Variants in ZNF385B observed in about 807,000 individuals in gnomAD.
The protein encoded by ZNF385B is zinc finger protein 533.
Under a neutral mutation model 39.2 loss-of-function variants are expected in ZNF385B, and 23 were observed. The ratio of observed to expected loss-of-function variants is 0.59; its 90% confidence interval spans 0.42 to 0.83. The LOEUF is 0.83. Among genes scored for constraint, ZNF385B ranks in the 40% least tolerant of loss-of-function variants. The pLI is 0.00. For missense variants in ZNF385B, 552 were observed against 598.9 expected (o/e 0.92, Z 0.82); for synonymous variants, 205 against 222.6 (o/e 0.92, Z 0.70).
At chr2:179,746,179 A>G in intron 3 of ZNF385B, 1 of 277,806 alleles carries the variant, frequency 3.6e-6, no homozygotes, top group Non-Finnish European at 5.5e-6. Flanking sequence ...GTCTCCACAG[A>G]TTTAGCACCA....
intron 5 of ZNF385B, among the ~76,000 whole-genome samples, chr2:179,493,747 G>GTATA (rs1559337682): frequency 2.0e-5 from 2 of 98,166 alleles, no homozygotes; most frequent in East Asian, 2.6e-4. Flanking sequence ...GTATACATAT[G>GTATA]TGTATATACA....
chr2:179,717,016 C>T lies in ZNF385B; in HGVS notation c.298+52487G>A, dbSNP rs1315357563. 3.9e-5 allele frequency among the ~76,000 whole-genome samples: 6 copies of T among 152,256 alleles called. 1 individual carries two copies. The highest frequency in any genetic ancestry group is 3.3e-4 in the Admixed American group (5 of 15,294). On this transcript the variant is annotated intron_variant, in intron 3 of 9. Coordinates refer to ENST00000410066, the MANE Select transcript of ZNF385B (RefSeq NM_152520.6). ...TTCTTGAATTACCAACCCACAGATA[C>T]TCTGAGATATAATTAAATGACTGCT...
At chr2:179,706,179 T>C (rs1699583482) in intron 3 of ZNF385B, among the ~76,000 whole-genome samples, 1 of 152,222 alleles carries the variant, frequency 6.6e-6, no homozygotes, top group Non-Finnish European at 1.5e-5. Context: ...ATTCAGTCTG[T>C]ACAAGGGATC....
At chr2:179,537,758 C>CAAAA (rs775747223) in intron 4 of ZNF385B, among the ~76,000 whole-genome samples, 5 of 99,754 alleles carry the variant, frequency 5.0e-5, no homozygotes, top group African/African-American at 8.8e-5. Context: ...AACAAACAAA[C>CAAAA]AAACAAACAA....
intron 3 of ZNF385B, among the ~76,000 whole-genome samples, chr2:179,651,263 C>T (rs148935241): frequency 6.4e-4 from 97 of 151,876 alleles, no homozygotes; most frequent in African/African-American, 2.2e-3. Context: ...TATTTTGAAA[C>T]AAAATGTTCA....
At chr2:179,570,257 G>C (rs1427120508) in intron 3 of ZNF385B, among the ~76,000 whole-genome samples, 1 of 152,170 alleles carries the variant, frequency 6.6e-6, no homozygotes, top group South Asian at 2.1e-4. Flanking sequence ...GAACATGGGA[G>C]GGGGAAAGGA....
At chr2:179,791,195 T>A (rs571184138) in intron 1 of ZNF385B, among the ~76,000 whole-genome samples, 1 of 152,340 alleles carries the variant, frequency 6.6e-6, no homozygotes, top group Admixed American at 6.5e-5. Flanking sequence ...TTTTCCTTTT[T>A]TGTTGACTCC....
At chr2:179,534,738 C>T (rs1189258686) in intron 4 of ZNF385B, 1 of 152,072 alleles carries the variant, frequency 6.6e-6, no homozygotes. Context: ...GTTTCTGCTT[C>T]CCCGGACAGC....
At chr2:179,458,192 G>C (rs937592455) in intron 6 of ZNF385B, among the ~76,000 whole-genome samples, 4 of 152,156 alleles carry the variant, frequency 2.6e-5, no homozygotes, top group Non-Finnish European at 5.9e-5. Context: ...TGTGTTGTGG[G>C]AGGGACCTAG....
chr2:179,750,472 T>C (rs1401876152), intron 3 of ZNF385B, among the ~76,000 whole-genome samples: 1 of 152,168 alleles, frequency 6.6e-6, no homozygotes, highest in Non-Finnish European at 1.5e-5. Flanking sequence ...TTCTACTATA[T>C]GTATCATCAC....
intron 1 of ZNF385B, among the ~76,000 whole-genome samples, chr2:179,850,305 C>G (rs1045129156): frequency 6.6e-6 from 1 of 152,164 alleles, no homozygotes. Context: ...CCACTCAATG[C>G]AGGAATTCCT....
intron 5 of ZNF385B, among the ~76,000 whole-genome samples, chr2:179,501,859 C>T (rs1265283053): frequency 4.6e-5 from 7 of 152,154 alleles, no homozygotes; most frequent in Admixed American, 3.3e-4. Context: ...TAAACTTATA[C>T]ACCTACTATA....
intron 1 of ZNF385B, chr2:179,814,729 C>T (rs1394992512): frequency 4.8e-6 from 1 of 208,532 alleles, no homozygotes; most frequent in African/African-American, 2.4e-5. Context: ...ATGTAGAAAC[C>T]TTTTAAACTA....
At chr2:179,596,275 G>C (rs1271991181) in intron 3 of ZNF385B, among the ~76,000 whole-genome samples, 1 of 152,116 alleles carries the variant, frequency 6.6e-6, no homozygotes, top group African/African-American at 2.4e-5. Flanking sequence ...TACTGGTTCT[G>C]CTTGCTGAGT....
intron 3 of ZNF385B, among the ~76,000 whole-genome samples, chr2:179,756,772 G>T (rs1006475442): frequency 1.3e-5 from 2 of 152,188 alleles, no homozygotes; most frequent in East Asian, 3.9e-4. Flanking sequence ...GAATCGGCTA[G>T]TGAGGCTTGT....
At chr2:179,464,433 T>G (rs1432313167) in intron 6 of ZNF385B, among the ~76,000 whole-genome samples, 2 of 152,216 alleles carry the variant, frequency 1.3e-5, no homozygotes, top group Non-Finnish European at 2.9e-5. Flanking sequence ...CATGCCTATG[T>G]CCTGAATGGT....
intron 1 of ZNF385B, among the ~76,000 whole-genome samples, chr2:179,819,303 G>C (rs1707259999): frequency 6.6e-6 from 1 of 152,106 alleles, no homozygotes; most frequent in Non-Finnish European, 1.5e-5. Flanking sequence ...CCCAAGGACA[G>C]GTGGGTGGCT....
intron 1 of ZNF385B, among the ~76,000 whole-genome samples, chr2:179,787,622 A>T (rs1003849442): frequency 1.3e-5 from 2 of 152,164 alleles, no homozygotes; most frequent in African/African-American, 4.8e-5. Flanking sequence ...GTTAGACACT[A>T]GTAAAATATT....
At chr2:179,547,150 T>G (rs1466288388) in intron 3 of ZNF385B, among the ~76,000 whole-genome samples, 1 of 149,736 alleles carries the variant, frequency 6.7e-6, no homozygotes. Context: ...TGCAAATATT[T>G]TCTCCCATTC....
Sources: gnomAD v4.1 joint callset for allele counts (sites outside exome capture counted in the v4.1 genomes callset) on GRCh38, gnomAD v4.1.1 for gene constraint, MANE v1.5 for transcripts, NCBI Gene and HGNC (gene_info 2026-07-23, HGNC 2026-07-21) for gene names.